ACOT9: variants seen among roughly 807,000 people sequenced by gnomAD.
ACOT9 encodes acyl-coenzyme A thioesterase 9, mitochondrial.
Under a neutral mutation model 39.7 loss-of-function variants are expected in ACOT9, and 34 were observed. That is an observed-to-expected ratio of 0.86 (90% CI 0.65 to 1.14). The LOEUF is 1.14. ACOT9 is among the 50% of genes most tolerant of loss of function. ACOT9 has a pLI of 0.00. For synonymous variants in ACOT9, 110 were observed against 120.5 expected, an observed-to-expected ratio of 0.91 and a Z score of 0.57; for missense variants, 313 against 344.1, an observed-to-expected ratio of 0.91 and a Z score of 0.71.
At chrX:23,706,320 G>T (rs1365435853) in intron 11 of ACOT9, among the ~76,000 whole-genome samples, 1 of 109,379 alleles carries the variant, frequency 9.1e-6, no homozygotes, top group Non-Finnish European at 1.9e-5. Context: ...AGCACTTTGG[G>T]AGGTGGAGAC....
chrX:23,713,116 A>T lies in ACOT9; in HGVS notation c.662+19T>A. The T allele has an allele frequency of 8.5e-7, 1 of 1,172,992 alleles. No homozygotes were observed. Among genetic ancestry groups the T allele is most frequent in the Non-Finnish European group, 1.2e-6 (1 of 862,787 alleles). On this transcript the variant is annotated intron_variant, in intron 9 of 15. Transcript: ENST00000379303. ...TTGAAATTCTTCAAAATAAAGAATT[A>T]TGAAAAAATAGCAATTACCCTTTAT...
At chrX:23,738,709 A>C (rs1930029246) in intron 1 of ACOT9, among the ~76,000 whole-genome samples, 1 of 111,783 alleles carries the variant, frequency 8.9e-6, no homozygotes, top group Admixed American at 9.6e-5. Flanking sequence ...AGAGCAAAAA[A>C]ATCATGACCC....
chrX:23,711,581 T>G (rs1431451385), intron 9 of ACOT9, among the ~76,000 whole-genome samples: 2 of 108,809 alleles, frequency 1.8e-5, no homozygotes. Context: ...TGAGAATTAC[T>G]CTAAACTGCC....
intron 6 of ACOT9, among the ~76,000 whole-genome samples, chrX:23,729,866 T>C (rs1428021373): frequency 9.0e-6 from 1 of 110,951 alleles, no homozygotes; most frequent in Non-Finnish European, 1.9e-5. Context: ...CTCCTGACCT[T>C]GTGATCTGCC....
chrX:23,703,684 G>C lies in ACOT9; in HGVS notation c.*210C>G, dbSNP rs935179010. 8 of 328,112 alleles carry C rather than the reference G, an allele frequency of 2.4e-5. No homozygotes were observed. The highest frequency in any genetic ancestry group is 1.3e-4 in the African/African-American group (5 of 37,487). The allele number at this position is 328,112 out of a possible 1,213,427, so 27.0% of individuals were successfully genotyped here. On this transcript the variant is annotated 3_prime_UTR_variant, in exon 16 of 16. Coordinates refer to ENST00000379303, the MANE Select transcript of ACOT9 (RefSeq NM_001037171.2). ...GTAGGTTCACAATTAAAATTGTCTT[G>C]AAAGTATTTATTGTTTAATAATTCT... is the stretch of plus-strand genomic sequence containing the variant.
rs147054257 is a variant in ACOT9 at position 23,738,643 on chromosome X, G to A, written c.21-2627C>T. On this transcript the variant is annotated intron_variant, in intron 1 of 15. Coordinates refer to ENST00000379303, the MANE Select transcript of ACOT9 (RefSeq NM_001037171.2). ...AGCATTCTACAACTGAATATATCTG[G>A]TTTTAAAGAACACACTGGAAAAAGC... Among the ~76,000 whole-genome samples the A allele has an allele frequency of 7.1e-3, 789 of 111,068 alleles. 9 individuals carry two copies. The highest frequency in any genetic ancestry group is 0.025 in the African/African-American group (756 of 30,551).
rs1929378322 is a variant in ACOT9, at chrX:23,723,139, C to G, written c.401-386G>C. Among the ~76,000 whole-genome samples, 2 of 111,573 alleles carry G rather than the reference C, an allele frequency of 1.8e-5. 1 individual carries two copies. The highest frequency in any genetic ancestry group is 1.9e-4 in the Admixed American group (2 of 10,386). ...CAAGGACTTGGCTACCTGTTTTCCT[C>G]CTGGCTTTGTCCTAATTAATCATGA... On this transcript the variant is annotated intron_variant, in intron 6 of 15. Transcript: ENST00000379303.
At chrX:23,734,441 C>G in intron 2 of ACOT9, 74 bp from the exon 3 acceptor site, 2 of 872,584 alleles carry the variant, frequency 2.3e-6, no homozygotes, top group Non-Finnish European at 3.3e-6. Flanking sequence ...TGTAGTATTT[C>G]AAATACTGTG....
intron 6 of ACOT9, among the ~76,000 whole-genome samples, chrX:23,724,876 G>A (rs980997016): frequency 1.8e-5 from 2 of 111,594 alleles, no homozygotes; most frequent in African/African-American, 6.5e-5. Flanking sequence ...GTTTAAGGTT[G>A]CAGTAGGCTA....
chrX:23,737,399 AT>A (rs1205343519), intron 1 of ACOT9, among the ~76,000 whole-genome samples: 1 of 112,038 alleles, frequency 8.9e-6, no homozygotes, highest in African/African-American at 3.2e-5. Context: ...TTACTAGTAA[AT>A]TCTCACCACC....
intron 1 of ACOT9, 85 bp from the exon 2 acceptor site, chrX:23,736,101 G>T: frequency 1.4e-6 from 1 of 734,235 alleles, no homozygotes; most frequent in Non-Finnish European, 2.0e-6. Context: ...CAGAGTATCT[G>T]GCCATATCAC....
chrX:23,728,073 C>T (rs1929598988), intron 6 of ACOT9, among the ~76,000 whole-genome samples: 1 of 109,988 alleles, frequency 9.1e-6, no homozygotes, highest in South Asian at 3.9e-4. Flanking sequence ...GCAGGAAGAT[C>T]CTTTGAGCCC....
chrX:23,709,367 T>C (rs1018088752), intron 9 of ACOT9, among the ~76,000 whole-genome samples: 5 of 112,103 alleles, frequency 4.5e-5, no homozygotes, highest in African/African-American at 1.6e-4. Flanking sequence ...CACTCCAGCC[T>C]GGGTGACAAG....
intron 1 of ACOT9, among the ~76,000 whole-genome samples, chrX:23,739,576 C>T (rs779600794): frequency 4.5e-5 from 5 of 111,284 alleles, no homozygotes; most frequent in Non-Finnish European, 7.5e-5. Context: ...GAGGCCAACG[C>T]GGGAGGATCA....
At chrX:23,722,571 A>C in intron 7 of ACOT9, 99 bp downstream of exon 7, 1 of 660,468 alleles carries the variant, frequency 1.5e-6, no homozygotes, top group South Asian at 3.5e-5. Flanking sequence ...TCTCAAAAAA[A>C]AAAAAAATTC....
intron 8 of ACOT9, among the ~76,000 whole-genome samples, chrX:23,718,586 T>C (rs1217160793): frequency 8.9e-6 from 1 of 111,849 alleles, no homozygotes; most frequent in African/African-American, 3.2e-5. Context: ...GACTAGGAAT[T>C]AACCAAGAAT....
chrX:23,737,900 G>A (rs1390194302), intron 1 of ACOT9, among the ~76,000 whole-genome samples: 1 of 95,956 alleles, frequency 1.0e-5, no homozygotes, highest in East Asian at 3.2e-4. Flanking sequence ...ACAGAGTCTC[G>A]CTCTGTCGCC....
In ACOT9 at chrX:23,701,547, C is replaced by G. The variant is rs1928485380; in HGVS notation, c.*2347G>C. ...CTGGAGTGCAGTGGCATGATCATAG[C>G]TCACTGCAGACTCAAACTCCTGGAC... On this transcript the variant is annotated 3_prime_UTR_variant, in exon 16 of 16. Transcript: ENST00000379303. 9.0e-6 allele frequency among the ~76,000 whole-genome samples: 1 copy of G among 111,427 alleles called. No homozygotes were observed. The highest frequency in any genetic ancestry group is 9.6e-5 in the Admixed American group (1 of 10,459).
intron 6 of ACOT9, among the ~76,000 whole-genome samples, chrX:23,724,597 T>A (rs1929440875): frequency 9.1e-6 from 1 of 110,033 alleles, no homozygotes; most frequent in South Asian, 3.9e-4. Context: ...CATGGTGAGA[T>A]CCCGTCTCTA....
Sources: gnomAD v4.1 joint callset for allele counts (sites outside exome capture counted in the v4.1 genomes callset) on GRCh38, gnomAD v4.1.1 for gene constraint, MANE v1.5 for transcripts, NCBI Gene and HGNC (gene_info 2026-07-23, HGNC 2026-07-21) for gene names.